GPR137B: variants seen among roughly 807,000 people sequenced by gnomAD.
The protein encoded by GPR137B is integral membrane protein GPR137B.
A neutral mutation model predicts 42.5 loss-of-function variants in GPR137B; 42 were observed. The ratio of observed to expected loss-of-function variants is 0.99; its 90% CI spans 0.77 to 1.28. GPR137B has a LOEUF of 1.28. Among genes scored for constraint, GPR137B ranks in the 50% most tolerant of loss-of-function variants. The pLI, the probability that GPR137B is intolerant of heterozygous loss-of-function variation, is 0.00. For missense variants in GPR137B, 487 were observed against 493.9 expected (o/e 0.99, Z 0.13); for synonymous variants, 218 against 209.7 (o/e 1.04, Z -0.34).
At chr1:236,163,979 C>T (rs1337893612) in intron 1 of GPR137B, among the ~76,000 whole-genome samples, 1 of 150,780 alleles carries the variant, frequency 6.6e-6, no homozygotes, top group Non-Finnish European at 1.5e-5. Flanking sequence ...ATGCTTTCAA[C>T]ACCTCTCATA....
chr1:236,179,315 G>C (rs1056553141), intron 3 of GPR137B, among the ~76,000 whole-genome samples: 19 of 152,152 alleles, frequency 1.2e-4, no homozygotes, highest in African/African-American at 4.6e-4. Flanking sequence ...TTTGAGCCAG[G>C]GGTCTTTTAA....
chr1:236,205,212 C>A lies in GPR137B; in HGVS notation c.1053C>A (p.Asp351Glu), dbSNP rs1663621689. The A allele has an allele frequency of 1.2e-6, 2 of 1,613,232 alleles. No individual in the cohort carries two copies. The highest frequency in any genetic ancestry group is 8.5e-7 in the Non-Finnish European group (1 of 1,179,220). Reference sequence around the variant, plus strand: ...CTCGAAGATATGACAGTGATGATGACCTTGCCTGGAACATTGCCCCTCAGG... The same window carrying A: ...CTCGAAGATATGACAGTGATGATGAACTTGCCTGGAACATTGCCCCTCAGG... ...DNPRRYDSDDDLAWNIAPQGL... is the reference protein window; with the variant it reads ...DNPRRYDSDDELAWNIAPQGL... The change falls in exon 6 of 7, where the codon GAC (aspartate) becomes GAA (glutamate). Residue 351 changes from aspartate to glutamate, a missense_variant. Transcript: ENST00000366592.
chr1:236,157,287 C>T (rs536621694), intron 1 of GPR137B, among the ~76,000 whole-genome samples: 24 of 151,324 alleles, frequency 1.6e-4, no homozygotes, highest in Non-Finnish European at 3.1e-4. Context: ...TGCAGTGGCG[C>T]GATCTCTGCT....
chr1:236,196,421 T>G (rs565183259), intron 5 of GPR137B, among the ~76,000 whole-genome samples: 20 of 152,360 alleles, frequency 1.3e-4, no homozygotes, highest in Admixed American at 1.3e-4. Flanking sequence ...ATTACAGGCA[T>G]GAGCCACTGT....
intron 5 of GPR137B, among the ~76,000 whole-genome samples, chr1:236,192,390 C>T (rs7530356): frequency 6.7e-6 from 1 of 149,820 alleles, no homozygotes; most frequent in African/African-American, 2.5e-5. Flanking sequence ...AAAAAAAAAA[C>T]AAAAAACCTC....
chr1:236,163,176 C>T (rs1204524700), intron 1 of GPR137B, among the ~76,000 whole-genome samples: 10 of 152,162 alleles, frequency 6.6e-5, no homozygotes, highest in Non-Finnish European at 1.5e-4. Context: ...CTTTGACTGA[C>T]CTGCTGGATT....
At chr1:236,170,914 T>G (rs1161178320) in intron 2 of GPR137B, among the ~76,000 whole-genome samples, 1 of 150,540 alleles carries the variant, frequency 6.6e-6, no homozygotes, top group Non-Finnish European at 1.5e-5. Context: ...GGGTGGAGAT[T>G]GCAGTGTGTG....
chr1:236,159,607 A>G (rs1312233722), intron 1 of GPR137B, among the ~76,000 whole-genome samples: 1 of 151,338 alleles, frequency 6.6e-6, no homozygotes, highest in Non-Finnish European at 1.5e-5. Context: ...TGGGAGGCAG[A>G]GGTTGCAGGA....
At chr1:236,148,081 C>G (rs936874127) in intron 1 of GPR137B, among the ~76,000 whole-genome samples, 2 of 152,216 alleles carry the variant, frequency 1.3e-5, no homozygotes, top group Admixed American at 1.3e-4. Flanking sequence ...GGCTTTGCAC[C>G]AAGGCCTTTG....
At chr1:236,163,763 A>G (rs1025958901) in intron 1 of GPR137B, among the ~76,000 whole-genome samples, 1 of 152,096 alleles carries the variant, frequency 6.6e-6, no homozygotes, top group South Asian at 2.1e-4. Flanking sequence ...CTGTAAGTCC[A>G]ATTAAACTTC....
At chr1:236,192,800 GAT>G (rs1663231482) in intron 5 of GPR137B, among the ~76,000 whole-genome samples, 1 of 152,068 alleles carries the variant, frequency 6.6e-6, no homozygotes. Flanking sequence ...TCTAATAGGT[GAT>G]ATGTTTTTAT....
intron 1 of GPR137B, among the ~76,000 whole-genome samples, chr1:236,158,545 AG>A (rs1302811038): frequency 2.6e-5 from 4 of 152,244 alleles, no homozygotes; most frequent in Non-Finnish European, 5.9e-5. Context: ...TATAATATAA[AG>A]TTTCAACCTG....
At chr1:236,145,635 G>C (rs887500664) in intron 1 of GPR137B, among the ~76,000 whole-genome samples, 2 of 152,094 alleles carry the variant, frequency 1.3e-5, no homozygotes, top group African/African-American at 4.8e-5. Flanking sequence ...GGGATTACAG[G>C]TGTGAGCCAC....
At chr1:236,197,550 G>C (rs1663374614) in intron 5 of GPR137B, among the ~76,000 whole-genome samples, 1 of 152,144 alleles carries the variant, frequency 6.6e-6, no homozygotes, top group African/African-American at 2.4e-5. Flanking sequence ...TCCATCTTGA[G>C]TTGATTTTTG....
intron 1 of GPR137B, among the ~76,000 whole-genome samples, chr1:236,143,271 C>T (rs1661583815): frequency 6.6e-6 from 1 of 152,264 alleles, no homozygotes; most frequent in Admixed American, 6.5e-5. Flanking sequence ...GGGCTGGAGG[C>T]CGCCGCTCAC....
At chr1:236,201,325 C>T (rs913944904) in intron 5 of GPR137B, among the ~76,000 whole-genome samples, 10 of 152,022 alleles carry the variant, frequency 6.6e-5, no homozygotes, top group African/African-American at 2.4e-4. Context: ...ATGTCTAGAT[C>T]TCTAGTGAGG....
At chr1:236,161,063 T>G (rs1015489337) in intron 1 of GPR137B, among the ~76,000 whole-genome samples, 1 of 152,098 alleles carries the variant, frequency 6.6e-6, no homozygotes, top group African/African-American at 2.4e-5. Context: ...CCGTGCCTCT[T>G]AGTGGTCACC....
intron 5 of GPR137B, among the ~76,000 whole-genome samples, chr1:236,201,416 A>ATTC (rs35509361): frequency 0.58 from 87,264 of 151,588 alleles, 28,402 homozygotes; most frequent in East Asian, 0.87. Context: ...AACACCAATT[A>ATTC]TTATGTTTGG....
At chr1:236,187,833 G>A (rs1169900133) in intron 5 of GPR137B, among the ~76,000 whole-genome samples, 1 of 152,144 alleles carries the variant, frequency 6.6e-6, no homozygotes, top group Admixed American at 6.6e-5. Flanking sequence ...GGTTCCATAT[G>A]AAGTTTAAAG....
Sources: allele counts gnomAD v4.1 joint callset (sites outside exome capture counted in the v4.1 genomes callset), GRCh38; gene constraint gnomAD v4.1.1; transcripts MANE v1.5; gene names NCBI Gene and HGNC (gene_info 2026-07-23, HGNC 2026-07-21).